BEND6: variants seen among roughly 807,000 people sequenced by gnomAD.
BEND6 encodes BEN domain-containing protein 6.
BEND6 carries 24 observed loss-of-function variants against 31.8 expected under a neutral mutation model. That is an observed-to-expected ratio of 0.75 (90% CI 0.55 to 1.06). The LOEUF (loss-of-function observed/expected upper bound fraction) is 1.06. Among genes scored for constraint, BEND6 ranks in the 50% least tolerant of loss-of-function variants. The pLI is 0.00. For synonymous variants in BEND6, 109 were observed against 114.6 expected (o/e 0.95, Z 0.31); for missense variants, 294 against 327.4 (o/e 0.90, Z 0.79).
intron 2 of BEND6, among the ~76,000 whole-genome samples, chr6:56,991,710 CAGA>C (rs770498459): frequency 2.6e-5 from 4 of 151,958 alleles, no homozygotes; most frequent in African/African-American, 7.3e-5. Context: ...AATATATATA[CAGA>C]AGAATACACA....
intron 1 of BEND6, among the ~76,000 whole-genome samples, chr6:56,964,806 C>CT (rs1200637336): frequency 6.6e-6 from 1 of 152,196 alleles, no homozygotes; most frequent in East Asian, 1.9e-4. Flanking sequence ...TCTTCTCAGT[C>CT]TTTGACACTT....
intron 1 of BEND6, among the ~76,000 whole-genome samples, chr6:56,981,182 T>A (rs1476948619): frequency 2.0e-5 from 3 of 151,930 alleles, no homozygotes; most frequent in Non-Finnish European, 1.5e-5. Flanking sequence ...CCCTTGAGAT[T>A]TTTCCCCCAT....
intron 3 of BEND6, among the ~76,000 whole-genome samples, chr6:57,003,236 C>A (rs911472288): frequency 6.6e-6 from 1 of 152,184 alleles, no homozygotes; most frequent in African/African-American, 2.4e-5. Flanking sequence ...CACAGTGGCT[C>A]ATGCCTGTAA....
At position 56,987,693 on chromosome 6, in the gene BEND6, C is replaced by G. The variant is rs146119782; in HGVS notation, c.121-4685C>G. Among the ~76,000 whole-genome samples, 505 of 152,284 alleles carry G rather than the reference C, an allele frequency of 3.3e-3. 3 individuals are homozygous for G. The highest frequency in any genetic ancestry group is 0.011 in the African/African-American group (469 of 41,542). On this transcript the variant is annotated intron_variant, in intron 2 of 6. Transcript: ENST00000370746. ...GCTCCTCCTCCATGCACCAGAATGT[C>G]TTTTCTTTTACTGGGCAGTAGAGGC... is the stretch of plus-strand genomic sequence containing the variant.
chr6:56,958,570 C>T lies in BEND6; in HGVS notation c.-101+3110C>T, dbSNP rs79063051. ...TCATTGTGAAAATATCCAGCAAGCC[C>T]ATGGAAATGTGGAGAGGTCAGAACC... is the stretch of plus-strand genomic sequence containing the variant. On this transcript the variant is annotated intron_variant, in intron 1 of 6. Transcript: ENST00000370746. Among the ~76,000 whole-genome samples the T allele has an allele frequency of 9.7e-3, 1,478 of 152,206 alleles. 20 individuals are homozygous for T. The highest frequency in any genetic ancestry group is 0.034 in the African/African-American group (1,398 of 41,534).
At chr6:57,013,701 C>A (rs1827428156) in intron 3 of BEND6, 1 of 152,490 alleles carries the variant, frequency 6.6e-6, no homozygotes, top group Non-Finnish European at 1.5e-5. Flanking sequence ...GGAACAGTTA[C>A]TTCCCAGGAA....
chr6:57,006,569 T>C (rs1036082194), intron 3 of BEND6, among the ~76,000 whole-genome samples: 4 of 152,204 alleles, frequency 2.6e-5, no homozygotes, highest in Non-Finnish European at 4.4e-5. Context: ...AACATAACTA[T>C]ACAGTCTAAA....
At chr6:56,979,737 A>G (rs1826006223) in intron 1 of BEND6, among the ~76,000 whole-genome samples, 1 of 152,226 alleles carries the variant, frequency 6.6e-6, no homozygotes, top group African/African-American at 2.4e-5. Context: ...CTATGTAAAT[A>G]CCTATATAAT....
chr6:56,971,586 C>T (rs1432574661), intron 1 of BEND6, among the ~76,000 whole-genome samples: 1 of 152,180 alleles, frequency 6.6e-6, no homozygotes, highest in African/African-American at 2.4e-5. Context: ...TACATTACCA[C>T]CAACAGTGCA....
chr6:56,990,135 AGT>A (rs1233972492), intron 2 of BEND6, among the ~76,000 whole-genome samples: 2 of 151,220 alleles, frequency 1.3e-5, no homozygotes, highest in Admixed American at 1.3e-4. Flanking sequence ...ATGGTTAACC[AGT>A]TTTTTCAAGC....
chr6:57,018,552 C>T lies in BEND6; in HGVS notation c.*4C>T. On this transcript the variant is annotated 3_prime_UTR_variant, in exon 6 of 7. Transcript: ENST00000370746. ...TAACTCTCAGGATATTAAATAGATCCTTTTGGTAAGTCTTTTAAATCTTCA... is the reference window on the plus strand; with the variant it reads ...TAACTCTCAGGATATTAAATAGATCTTTTTGGTAAGTCTTTTAAATCTTCA... 1 of 1,517,730 alleles carries T rather than the reference C, an allele frequency of 6.6e-7. No homozygotes were observed. The highest frequency in any genetic ancestry group is 8.8e-7 in the Non-Finnish European group (1 of 1,139,740). 94.0% of individuals were successfully genotyped at this position (1,517,730 alleles called of 1,614,324 possible).
chr6:57,020,807 A>T (rs1827717303), intron 6 of BEND6, among the ~76,000 whole-genome samples: 1 of 151,658 alleles, frequency 6.6e-6, no homozygotes, highest in African/African-American at 2.4e-5. Flanking sequence ...AGAGGTCTGT[A>T]AAGCATTTTG....
At chr6:56,985,465 C>G (rs950791238) in intron 2 of BEND6, among the ~76,000 whole-genome samples, 2 of 152,122 alleles carry the variant, frequency 1.3e-5, no homozygotes, top group African/African-American at 4.8e-5. Context: ...GATGACTGCC[C>G]TCCCCTCACT....
intron 1 of BEND6, among the ~76,000 whole-genome samples, chr6:56,958,884 TA>T (rs1453950727): frequency 6.6e-6 from 1 of 152,058 alleles, no homozygotes; most frequent in Non-Finnish European, 1.5e-5. Flanking sequence ...CAGGAGAGGC[TA>T]AAACCAGACA....
At chr6:57,013,740 G>A (rs183308857) in intron 3 of BEND6, 1 of 152,440 alleles carries the variant, frequency 6.6e-6, no homozygotes, top group East Asian at 1.9e-4. Flanking sequence ...CATTCTTTGA[G>A]CAGGGCAAAA....
chr6:57,006,572 A>T (rs1281686406), intron 3 of BEND6, among the ~76,000 whole-genome samples: 1 of 152,232 alleles, frequency 6.6e-6, no homozygotes, highest in African/African-American at 2.4e-5. Flanking sequence ...ATAACTATAC[A>T]GTCTAAATTA....
At chr6:56,992,686 G>GA (rs1187477202) in intron 3 of BEND6, 131 bp downstream of exon 3, 21 of 1,012,822 alleles carry the variant, frequency 2.1e-5, no homozygotes, top group South Asian at 1.0e-4. Flanking sequence ...CACAGTTTTA[G>GA]AAAAAATCAC....
rs535892188 is a variant in BEND6 at position 56,984,295 on chromosome 6, G to A, written c.120+2365G>A. 4.5e-4 allele frequency among the ~76,000 whole-genome samples: 68 copies of A among 151,974 alleles called. 1 individual carries two copies. The South Asian group carries it at 7.1e-3, about 16-fold the overall frequency. ...TTTATCTGGGAAAAATACATAGGAG[G>A]GTGATTTATACCTTGTAAGTTATAT... On this transcript the variant is annotated intron_variant, in intron 2 of 6. Transcript: ENST00000370746.
intron 2 of BEND6, among the ~76,000 whole-genome samples, chr6:56,984,874 G>A (rs1048046564): frequency 6.6e-6 from 1 of 152,198 alleles, no homozygotes; most frequent in Non-Finnish European, 1.5e-5. Context: ...TCTCGAGAAA[G>A]CCTTGAGGAT....
Sources: gnomAD v4.1 joint callset for allele counts (sites outside exome capture counted in the v4.1 genomes callset) on GRCh38, gnomAD v4.1.1 for gene constraint, MANE v1.5 for transcripts, NCBI Gene and HGNC (gene_info 2026-07-23, HGNC 2026-07-21) for gene names.